BBOX1: variants seen among roughly 807,000 people sequenced by gnomAD.
The protein encoded by BBOX1 is gamma-butyrobetaine dioxygenase.
In BBOX1, 35 loss-of-function variants were observed where a neutral mutation model predicts 41.6. The ratio of observed to expected loss-of-function variants is 0.84; its 90% CI spans 0.64 to 1.11. The LOEUF is 1.11. Ranked by LOEUF, BBOX1 falls within the 50% of genes most tolerant of loss-of-function variation. BBOX1 has a pLI of 0.00. For missense variants in BBOX1, 458 were observed against 460.6 expected (o/e 0.99, Z 0.05); for synonymous variants, 163 against 154.7 (o/e 1.05, Z -0.40).
chr11:27,054,135 C>T (rs1856897983), intron 2 of BBOX1, among the ~76,000 whole-genome samples: 1 of 151,850 alleles, frequency 6.6e-6, no homozygotes, highest in Non-Finnish European at 1.5e-5. Flanking sequence ...TTTTATCTTA[C>T]TTGTCACTAA....
chr11:27,066,835 A>G (rs1221641442), intron 4 of BBOX1, among the ~76,000 whole-genome samples: 2 of 152,208 alleles, frequency 1.3e-5, no homozygotes, highest in African/African-American at 4.8e-5. Flanking sequence ...AAAATGTTTA[A>G]GTTCTACTCT....
intron 2 of BBOX1, among the ~76,000 whole-genome samples, chr11:27,043,157 G>A (rs1225296201): frequency 1.3e-5 from 2 of 151,898 alleles, no homozygotes; most frequent in Admixed American, 6.6e-5. Context: ...TCCGCCTCCC[G>A]GGTTCACGCC....
Position 27,055,434 on chromosome 11 carries a change from G to C in BBOX1, c.4G>C (p.Ala2Pro). 6.2e-7 allele frequency: 1 copy of C among 1,613,396 alleles called. No homozygotes were observed. The highest frequency in any genetic ancestry group is 8.5e-7 in the Non-Finnish European group (1 of 1,180,002). The change falls in exon 3 of 9, where the codon GCT becomes CCT. Residue 2 changes from alanine (A) to proline (P), a missense_variant. By Grantham distance (27) the Ala-to-Pro change is conservative. Transcript: ENST00000263182. M[A>P]CTIQKAEALD... ...TCTACTCCTGAAGACCGGAAACATG[G>C]CTTGTACCATCCAAAAGGCAGAAGC...
At chr11:27,072,074 C>T (rs1240747158) in intron 4 of BBOX1, among the ~76,000 whole-genome samples, 1 of 152,108 alleles carries the variant, frequency 6.6e-6, no homozygotes, top group African/African-American at 2.4e-5. Context: ...CTGGCCAGGG[C>T]ATCGGTCAAG....
intron 4 of BBOX1, among the ~76,000 whole-genome samples, chr11:27,072,937 G>A (rs1020469402): frequency 9.2e-5 from 14 of 152,298 alleles, no homozygotes; most frequent in Non-Finnish European, 1.5e-4. Context: ...AGACTTAAAT[G>A]TTAGACCTAA....
intron 7 of BBOX1, among the ~76,000 whole-genome samples, chr11:27,125,202 C>A (rs1180883171): frequency 6.6e-6 from 1 of 152,118 alleles, no homozygotes; most frequent in Non-Finnish European, 1.5e-5. Context: ...TAGAATCATG[C>A]ATTTCAAACT....
At chr11:27,083,505 T>C (rs1342779374) in intron 4 of BBOX1, among the ~76,000 whole-genome samples, 1 of 152,020 alleles carries the variant, frequency 6.6e-6, no homozygotes, top group Non-Finnish European at 1.5e-5. Flanking sequence ...CCCTCCTACC[T>C]AACACTCTTC....
chr11:27,123,288 C>T (rs1296930210), intron 7 of BBOX1, among the ~76,000 whole-genome samples: 1 of 151,866 alleles, frequency 6.6e-6, no homozygotes, highest in East Asian at 1.9e-4. Context: ...TCTAGTATAC[C>T]ATGAGGCATC....
chr11:27,104,022 T>A (rs1168341350), intron 5 of BBOX1, among the ~76,000 whole-genome samples: 2 of 152,210 alleles, frequency 1.3e-5, no homozygotes, highest in Non-Finnish European at 1.5e-5. Flanking sequence ...CTTCACTTTA[T>A]CAGGACCTTG....
At chr11:27,070,602 T>C (rs1590183787) in intron 4 of BBOX1, among the ~76,000 whole-genome samples, 1 of 152,270 alleles carries the variant, frequency 6.6e-6, no homozygotes, top group Non-Finnish European at 1.5e-5. Flanking sequence ...TTTTGGTTTC[T>C]ATTTGCATGG....
rs187451090 is a variant in BBOX1, at chr11:27,043,686, A to G, written c.-39+2208A>G. Among the ~76,000 whole-genome samples, 444 of 152,244 alleles carry G rather than the reference A, an allele frequency of 2.9e-3. 1 individual carries two copies. Among genetic ancestry groups the G allele is most frequent in the Non-Finnish European group, 4.2e-3 (283 of 68,032 alleles). On this transcript the variant is annotated intron_variant, in intron 2 of 8. Transcript: ENST00000263182. Reference sequence around the variant, plus strand: ...TCAAGTCCCACTTATGAGTGAGAACATGCAGTATTTGGTCTTCTGTTCTTG... The same window carrying G: ...TCAAGTCCCACTTATGAGTGAGAACGTGCAGTATTTGGTCTTCTGTTCTTG...
intron 5 of BBOX1, among the ~76,000 whole-genome samples, chr11:27,111,654 T>C (rs1365343630): frequency 2.6e-5 from 4 of 151,944 alleles, no homozygotes; most frequent in Non-Finnish European, 5.9e-5. Flanking sequence ...TTTGTGCAAA[T>C]ACCACCTTTA....
intron 2 of BBOX1, among the ~76,000 whole-genome samples, chr11:27,043,594 G>T (rs7105192): frequency 0.14 from 20,681 of 151,644 alleles, 1,826 homozygotes; most frequent in South Asian, 0.33. Flanking sequence ...CCCTCCCCTA[G>T]CCCCCTACCC....
At chr11:27,126,142 T>G (rs1859642942) in intron 8 of BBOX1, among the ~76,000 whole-genome samples, 5 of 152,210 alleles carry the variant, frequency 3.3e-5, no homozygotes, top group Admixed American at 3.3e-4. Flanking sequence ...TTCCAGTTAC[T>G]TGAGATAAAA....
At chr11:27,076,800 G>A (rs1004575773) in intron 4 of BBOX1, among the ~76,000 whole-genome samples, 1 of 152,122 alleles carries the variant, frequency 6.6e-6, no homozygotes, top group Non-Finnish European at 1.5e-5. Flanking sequence ...ATGTTCCAGA[G>A]AGAAGCACAG....
chr11:27,118,186 G>C (rs531682133), intron 6 of BBOX1, among the ~76,000 whole-genome samples: 155 of 152,064 alleles, frequency 1.0e-3, no homozygotes, highest in Non-Finnish European at 1.9e-3. Flanking sequence ...AAGAGGCAAA[G>C]AAGTGCAACA....
chr11:27,080,180 A>G (rs370151505), intron 4 of BBOX1, among the ~76,000 whole-genome samples: 1 of 152,152 alleles, frequency 6.6e-6, no homozygotes, highest in South Asian at 2.1e-4. Context: ...TTAGGCTGAT[A>G]GAAATAAATA....
intron 6 of BBOX1, among the ~76,000 whole-genome samples, chr11:27,119,150 CTT>C (rs1376152121): frequency 6.6e-6 from 1 of 152,018 alleles, no homozygotes; most frequent in Non-Finnish European, 1.5e-5. Flanking sequence ...TGTAGCCAGA[CTT>C]TTTATTACCC....
At chr11:27,095,955 T>C (rs979771434) in intron 5 of BBOX1, among the ~76,000 whole-genome samples, 3 of 151,994 alleles carry the variant, frequency 2.0e-5, no homozygotes, top group Non-Finnish European at 4.4e-5. Context: ...ATTTAAAAAA[T>C]ACTGACATCT....
Sources: allele counts gnomAD v4.1 joint callset (sites outside exome capture counted in the v4.1 genomes callset), GRCh38; gene constraint gnomAD v4.1.1; transcripts MANE v1.5; gene names NCBI Gene and HGNC (gene_info 2026-07-23, HGNC 2026-07-21).